Variants in GRAMD4 observed in about 807,000 individuals in gnomAD.
GRAMD4 encodes GRAM domain-containing protein 4.
In GRAMD4, 25 loss-of-function variants were observed where a neutral mutation model predicts 83.9. The observed-to-expected ratio is 0.30, with a 90% CI of 0.22 to 0.42. The LOEUF (loss-of-function observed/expected upper bound fraction) is 0.42, where lower values mean the gene tolerates loss of function less well. Ranked by LOEUF, GRAMD4 falls within the 10% of genes least tolerant of loss-of-function variation. GRAMD4 has a pLI of 1.00. For synonymous variants in GRAMD4, 336 were observed against 320.9 expected (o/e 1.05, Z -0.50); for missense variants, 593 against 788.7 (o/e 0.75, Z 2.97).
Position 46,626,757 on chromosome 22 carries a change from C to G in GRAMD4, c.-43C>G, listed in dbSNP as rs774893939. 1.9e-6 allele frequency: 3 copies of G among 1,599,000 alleles called. No homozygotes were observed. Among genetic ancestry groups the G allele is most frequent in the South Asian group, 1.1e-5 (1 of 89,984 alleles). On this transcript the variant is annotated 5_prime_UTR_variant, in exon 2 of 19. Transcript: ENST00000406902. ...CCACGCCCCTCTCTTGCAGGGAACC[C>G]GAGCGTCATGTTAGGGTGAAGCAGA...
At position 46,672,916 on chromosome 22, in the gene GRAMD4, C is replaced by T. The variant is rs750637448; in HGVS notation, c.1158C>T (p.Tyr386=). The T allele has an allele frequency of 1.1e-5, 18 of 1,611,730 alleles. No homozygotes were observed. Among genetic ancestry groups the T allele is most frequent in the East Asian group, 6.7e-5 (3 of 44,894 alleles). Reference sequence around the variant, plus strand: ...GCTGCCCGAGGCTGCGCGCCAAGTACGACACGCCCTATATCATCTGGAGGA... The same window carrying T: ...GCTGCCCGAGGCTGCGCGCCAAGTATGACACGCCCTATATCATCTGGAGGA... ...FKRCPRLRAK[Y]DTPYIIWRSL... Residue 386 remains tyrosine, a synonymous_variant, in exon 14 of 19, where the codon TAC becomes TAT. Transcript: ENST00000406902. This position sits in a 1 kb window ranked among gnomAD's most constrained non-coding sequence, Gnocchi z 4.7.
chr22:46,620,581 C>G lies in GRAMD4; in HGVS notation c.-50+16C>G, dbSNP rs1232342039. The G allele has an allele frequency of 5.2e-5, 2 of 38,776 alleles. No homozygotes were observed. The highest frequency in any genetic ancestry group is 3.7e-4 in the African/African-American group (2 of 5,450). The allele number at this position is 38,776 out of a possible 1,614,324, so 2.4% of individuals were successfully genotyped here. On this transcript the variant is annotated intron_variant, in intron 1 of 18. Coordinates refer to ENST00000406902, the MANE Select transcript of GRAMD4 (RefSeq NM_015124.5). The surrounding 1 kb of genome is among the most constrained non-coding windows in gnomAD (Gnocchi z 4.7). ...ACAGACGGAGGTAGGGGGCAGGGGG[C>G]AGGGGGCAGGGGGACATGGTAGGGC... is the stretch of plus-strand genomic sequence containing the variant.
chr22:46,597,557 C>G (rs557289212), intron 1 of GRAMD4, among the ~76,000 whole-genome samples: 1 of 151,968 alleles, frequency 6.6e-6, no homozygotes, highest in Non-Finnish European at 1.5e-5. Context: ...TGGCGCGATC[C>G]CGGCTCACTG....
At position 46,622,852 on chromosome 22, in the gene GRAMD4, C is replaced by T. The variant is rs1461985096; in HGVS notation, c.-50+2287C>T. ...GCGTGAACCCAGGAGGCGGATCTTG[C>T]AGTGAGCCGAGATCACGCCACTGCA... is the stretch of plus-strand genomic sequence containing the variant. On this transcript the variant is annotated intron_variant, in intron 1 of 18. Coordinates refer to ENST00000406902, the MANE Select transcript of GRAMD4 (RefSeq NM_015124.5). The surrounding 1 kb of genome is among the most constrained non-coding windows in gnomAD (Gnocchi z 4.0). Among the ~76,000 whole-genome samples the T allele has an allele frequency of 6.7e-6, 1 of 148,306 alleles. No homozygotes were observed. The highest frequency in any genetic ancestry group is 6.8e-5 in the Admixed American group (1 of 14,730).
rs1005237719 is a variant in GRAMD4, at chr22:46,679,348, C to T, written c.*2097C>T. ...AAACTGACCACGTGCCAGGTGTGGC[C>T]GAAGCCCCCAGGGAGGGCCACATTC... On this transcript the variant is annotated 3_prime_UTR_variant, in exon 19 of 19. Coordinates refer to ENST00000406902, the MANE Select transcript of GRAMD4 (RefSeq NM_015124.5). The T allele has an allele frequency of 5.1e-6, 5 of 983,854 alleles. No individual in the cohort carries two copies. Among genetic ancestry groups the T allele is most frequent in the South Asian group, 4.7e-5 (1 of 21,270 alleles). The allele number at this position is 983,854 out of a possible 1,614,324, so 60.9% of individuals were successfully genotyped here. A position where few individuals can be genotyped will look rare whatever the true frequency, so the allele number is the denominator to read the frequency against.
At chr22:46,661,272 C>T in intron 4 of GRAMD4, 109 bp from the exon 5 acceptor site, 1 of 787,662 alleles carries the variant, frequency 1.3e-6, no homozygotes, top group Non-Finnish European at 2.2e-6. Context: ...CCTGCTGTCC[C>T]TGACCTCTCC....
intron 1 of GRAMD4, among the ~76,000 whole-genome samples, chr22:46,626,243 G>A (rs1447434527): frequency 1.3e-5 from 2 of 152,252 alleles, no homozygotes; most frequent in African/African-American, 4.8e-5. Context: ...TTCCAGGCGT[G>A]GCTGCCGTCC....
chr22:46,680,813 T>TCCATCCAG (rs1978352460), downstream of GRAMD4, among the ~76,000 whole-genome samples: 2 of 74,384 alleles, frequency 2.7e-5, no homozygotes, highest in Non-Finnish European at 4.5e-5. Flanking sequence ...TACCCATCCA[T>TCCATCCAG]CCATCCATCC....
At chr22:46,650,939 TCC>T (rs1217202890) in intron 3 of GRAMD4, among the ~76,000 whole-genome samples, 1 of 152,156 alleles carries the variant, frequency 6.6e-6, no homozygotes, top group Non-Finnish European at 1.5e-5. Context: ...ACGCAGAGTG[TCC>T]CCTGGGCTTC....
chr22:46,668,557 G>A (rs1215727866), intron 11 of GRAMD4, 132 bp from the exon 12 acceptor site: 2 of 855,702 alleles, frequency 2.3e-6, no homozygotes, highest in Non-Finnish European at 3.9e-6. Context: ...CCCGGCCTAG[G>A]AGCAGCCGGG....
chr22:46,647,188 C>T (rs539418498), intron 3 of GRAMD4, among the ~76,000 whole-genome samples: 4 of 152,264 alleles, frequency 2.6e-5, no homozygotes, highest in Non-Finnish European at 4.4e-5. Context: ...GTGGGTGACC[C>T]AGACCTACAG....
At chr22:46,598,782 G>A (rs943457225) in intron 1 of GRAMD4, among the ~76,000 whole-genome samples, 4 of 152,088 alleles carry the variant, frequency 2.6e-5, no homozygotes, top group Admixed American at 6.5e-5. Flanking sequence ...CTCAAAATCC[G>A]TGCGGGCCAG....
chr22:46,587,171 C>A (rs991386983), intron 1 of GRAMD4, among the ~76,000 whole-genome samples: 2 of 152,232 alleles, frequency 1.3e-5, no homozygotes, highest in African/African-American at 4.8e-5. Context: ...GGAGTGGACC[C>A]TGTGAGAGTG....
chr22:46,640,357 G>T (rs1555967121), intron 3 of GRAMD4, among the ~76,000 whole-genome samples: 1 of 152,190 alleles, frequency 6.6e-6, no homozygotes, highest in Non-Finnish European at 1.5e-5. Context: ...GCTGGCATGT[G>T]GGGTGGAGGG....
At chr22:46,611,159 T>C (rs1009278155) in intron 1 of GRAMD4, among the ~76,000 whole-genome samples, 7 of 150,604 alleles carry the variant, frequency 4.6e-5, no homozygotes, top group East Asian at 2.0e-4. Flanking sequence ...GAGGTTGCAG[T>C]GAGCCAGGAT....
Position 46,672,489 on chromosome 22 carries a change from C to T in GRAMD4, c.1085-354C>T, listed in dbSNP as rs942512568. 6.6e-6 allele frequency among the ~76,000 whole-genome samples: 1 copy of T among 151,088 alleles called. No individual in the cohort carries two copies. Among genetic ancestry groups the T allele is most frequent in the Non-Finnish European group, 1.5e-5 (1 of 67,904 alleles). On this transcript the variant is annotated intron_variant, in intron 13 of 18. Coordinates refer to ENST00000406902, the MANE Select transcript of GRAMD4 (RefSeq NM_015124.5). This position sits in a 1 kb window ranked among gnomAD's most constrained non-coding sequence, Gnocchi z 4.7. ...GAATTGGGGCAGAGGAGGCACAGTCCTGAAGTGTTTCAGGTGGGTCAAGAA... is the reference window on the plus strand; with the variant it reads ...GAATTGGGGCAGAGGAGGCACAGTCTTGAAGTGTTTCAGGTGGGTCAAGAA...
Position 46,677,328 on chromosome 22 carries a change from T to C in GRAMD4, c.*77T>C. ...TTTTTTTTTTTTTACGATTTGGTAG[T>C]GGAAACAATTGGACATCCTCATGAG... On this transcript the variant is annotated 3_prime_UTR_variant, in exon 19 of 19. Transcript: ENST00000406902. 1 of 1,494,682 alleles carries C rather than the reference T, an allele frequency of 6.7e-7. No homozygotes were observed. Among genetic ancestry groups the C allele is most frequent in the Non-Finnish European group, 8.9e-7 (1 of 1,125,734 alleles). The allele number at this position is 1,494,682 out of a possible 1,614,324, so 92.6% of individuals were successfully genotyped here. A position where few individuals can be genotyped will look rare whatever the true frequency, so the allele number is the denominator to read the frequency against.
intron 1 of GRAMD4, among the ~76,000 whole-genome samples, chr22:46,607,631 G>A (rs1007406215): frequency 1.3e-5 from 2 of 152,146 alleles, no homozygotes; most frequent in African/African-American, 4.8e-5. Context: ...TCCGCTGCCC[G>A]CACCAGTCCC....
At chr22:46,619,227 G>T (rs1044981834), upstream of GRAMD4, among the ~76,000 whole-genome samples, 1 of 152,214 alleles carries the variant, frequency 6.6e-6, no homozygotes, top group Middle Eastern at 3.2e-3. Context: ...GCAGTCTCAG[G>T]ACCCCAGAGG....
Sources: allele counts gnomAD v4.1 joint callset (sites outside exome capture counted in the v4.1 genomes callset), GRCh38; gene constraint gnomAD v4.1.1; non-coding constraint Gnocchi (gnomAD v3.1); transcripts MANE v1.5; gene names NCBI Gene and HGNC (gene_info 2026-07-23, HGNC 2026-07-21).